FGF14: variants seen among roughly 807,000 people sequenced by gnomAD.
FGF14 encodes fibroblast growth factor homologous factor 4.
FGF14 carries 5 observed loss-of-function variants against 25.5 expected under a neutral mutation model. The observed-to-expected ratio is 0.20, with a 90% CI of 0.10 to 0.41. The LOEUF (loss-of-function observed/expected upper bound fraction) is 0.41, where lower values mean the gene tolerates loss of function less well. FGF14 is among the 10% of genes least tolerant of loss of function. FGF14 has a pLI of 1.00. For synonymous variants in FGF14, 138 were observed against 118.3 expected (o/e 1.17, Z -1.08); for missense variants, 222 against 320.1 (o/e 0.69, Z 2.34).
At position 101,834,094 on chromosome 13, in the gene FGF14, T is replaced by G. The variant is rs1471960688; in HGVS notation, c.408+34631A>C. On this transcript the variant is annotated intron_variant, in intron 3 of 4. Coordinates refer to ENST00000376143, the MANE Select transcript of FGF14 (RefSeq NM_004115.4). ...CTCCAAGTGAGACTACAATAGAGACTGAAAAAATGTGAAACACTGTAGAAC... is the reference window on the plus strand; with the variant it reads ...CTCCAAGTGAGACTACAATAGAGACGGAAAAAATGTGAAACACTGTAGAAC... Among the ~76,000 whole-genome samples, 3 of 152,012 alleles carry G rather than the reference T, an allele frequency of 2.0e-5. No homozygotes were observed. The East Asian group carries it at 5.8e-4, about 29-fold the overall frequency.
chr13:101,867,359 T>A (rs1016068369), intron 3 of FGF14, among the ~76,000 whole-genome samples: 5 of 152,100 alleles, frequency 3.3e-5, no homozygotes, highest in African/African-American at 1.2e-4. Flanking sequence ...AGCACAAAGA[T>A]AAAACAAATA....
Position 102,214,402 on chromosome 13 carries a change from A to T in FGF14, c.208+187069T>A, listed in dbSNP as rs961582350. Reference sequence around the variant, plus strand: ...CATTTAAGATTCAGAAGCTTAAAAAAATATATACAAATGTATATAGGTTTT... The same window carrying T: ...CATTTAAGATTCAGAAGCTTAAAAATATATATACAAATGTATATAGGTTTT... On this transcript the variant is annotated intron_variant, in intron 1 of 4. Transcript: ENST00000376131. 2.2e-4 allele frequency among the ~76,000 whole-genome samples: 34 copies of T among 152,364 alleles called. 1 individual carries two copies. The highest frequency in any genetic ancestry group is 3.4e-3 in the Middle Eastern group (1 of 294).
At chr13:102,073,331 A>G (rs2043226142) in intron 1 of FGF14, among the ~76,000 whole-genome samples, 1 of 152,160 alleles carries the variant, frequency 6.6e-6, no homozygotes, top group South Asian at 2.1e-4. Flanking sequence ...GTGGTTTCTG[A>G]GTCTGTCCCT....
intron 3 of FGF14, among the ~76,000 whole-genome samples, chr13:101,814,085 G>C (rs1036398283): frequency 1.3e-5 from 2 of 152,188 alleles, no homozygotes; most frequent in African/African-American, 4.8e-5. Flanking sequence ...ATTCTTACAG[G>C]CTCAGCAAGT....
intron 1 of FGF14, among the ~76,000 whole-genome samples, chr13:101,980,605 C>G (rs2038190809): frequency 2.0e-5 from 3 of 152,144 alleles, no homozygotes; most frequent in African/African-American, 7.2e-5. Flanking sequence ...TTGAAAACAT[C>G]TCTTATGGGT....
chr13:102,282,555 A>G (rs545478290), intron 1 of FGF14, among the ~76,000 whole-genome samples: 5 of 152,200 alleles, frequency 3.3e-5, no homozygotes, highest in East Asian at 3.9e-4. Context: ...CTACAACACA[A>G]TCTCCTCATG....
intron 1 of FGF14, among the ~76,000 whole-genome samples, chr13:102,037,485 T>C (rs1475490305): frequency 6.6e-6 from 1 of 152,104 alleles, no homozygotes; most frequent in Non-Finnish European, 1.5e-5. Context: ...GCCCTAATTA[T>C]AATGAGCTGC....
chr13:101,980,185 G>C (rs1481829953), intron 1 of FGF14, among the ~76,000 whole-genome samples: 5 of 152,168 alleles, frequency 3.3e-5, no homozygotes. Context: ...GTGCAATGAA[G>C]TCTAATTTAA....
At chr13:101,733,070 A>C (rs1464573180) in intron 3 of FGF14, among the ~76,000 whole-genome samples, 2 of 152,202 alleles carry the variant, frequency 1.3e-5, no homozygotes, top group Non-Finnish European at 2.9e-5. Flanking sequence ...CTTATAAAGA[A>C]AAGAATATCG....
rs139275070 is a variant in FGF14 at position 101,979,867 on chromosome 13, C to G, written c.209-104571G>C. Among the ~76,000 whole-genome samples, 284 of 152,210 alleles carry G rather than the reference C, an allele frequency of 1.9e-3. 1 individual carries two copies. The highest frequency in any genetic ancestry group is 6.6e-3 in the African/African-American group (273 of 41,528). On this transcript the variant is annotated intron_variant, in intron 1 of 4. Coordinates refer to the FGF14 transcript ENST00000376131. ...ATTCACTTTGATGACAATACAGAGCCATTTACTATAAGCAAAGGGCAAAGT... is the reference window on the plus strand; with the variant it reads ...ATTCACTTTGATGACAATACAGAGCGATTTACTATAAGCAAAGGGCAAAGT...
intron 3 of FGF14, among the ~76,000 whole-genome samples, chr13:101,852,410 T>A (rs148635814): frequency 6.6e-6 from 1 of 152,128 alleles, no homozygotes; most frequent in Non-Finnish European, 1.5e-5. Context: ...GTTTTTCTTA[T>A]ACATAACACT....
chr13:101,741,813 A>C (rs946409744), intron 3 of FGF14, among the ~76,000 whole-genome samples: 1 of 152,184 alleles, frequency 6.6e-6, no homozygotes, highest in Admixed American at 6.5e-5. Flanking sequence ...CTGCAACTAA[A>C]AAGGCCAACT....
At chr13:102,297,348 T>C (rs1421175117) in intron 1 of FGF14, among the ~76,000 whole-genome samples, 1 of 152,082 alleles carries the variant, frequency 6.6e-6, no homozygotes, top group African/African-American at 2.4e-5. Context: ...CAATGTAACA[T>C]GGTATCTTAT....
chr13:101,785,549 G>C (rs1472065869), intron 3 of FGF14, among the ~76,000 whole-genome samples: 1 of 151,808 alleles, frequency 6.6e-6, no homozygotes, highest in African/African-American at 2.4e-5. Context: ...TTACTAACTG[G>C]GTACTACAAG....
intron 1 of FGF14, among the ~76,000 whole-genome samples, chr13:102,015,377 A>G (rs1453897357): frequency 6.6e-6 from 1 of 152,184 alleles, no homozygotes; most frequent in East Asian, 1.9e-4. Context: ...CAGGCTCTAC[A>G]CTTGAAAATG....
intron 1 of FGF14, among the ~76,000 whole-genome samples, chr13:102,278,573 A>G (rs1333911814): frequency 1.3e-5 from 2 of 151,774 alleles, no homozygotes; most frequent in Non-Finnish European, 2.9e-5. Context: ...TAGATGTGTG[A>G]CCCCAAAATG....
intron 1 of FGF14, among the ~76,000 whole-genome samples, chr13:102,026,481 T>C (rs1320204864): frequency 6.6e-6 from 1 of 151,998 alleles, no homozygotes; most frequent in East Asian, 1.9e-4. Context: ...CCTATTCTAG[T>C]TCTTCAAAGA....
At chr13:102,345,279 C>A (rs114247001) in intron 1 of FGF14, among the ~76,000 whole-genome samples, 1,931 of 152,272 alleles carry the variant, frequency 0.013, 50 homozygotes, top group African/African-American at 0.043. Context: ...CTACCCAAGG[C>A]AAACAAGAAA....
chr13:101,744,343 G>T (rs148146535), intron 3 of FGF14, among the ~76,000 whole-genome samples: 1 of 151,874 alleles, frequency 6.6e-6, no homozygotes, highest in Non-Finnish European at 1.5e-5. Context: ...TACAACTCTC[G>T]GGGACAAAGT....
Sources: allele counts gnomAD v4.1 joint callset (sites outside exome capture counted in the v4.1 genomes callset), GRCh38; gene constraint gnomAD v4.1.1; transcripts MANE v1.5; gene names NCBI Gene and HGNC (gene_info 2026-07-23, HGNC 2026-07-21).